The following TENM3 variants were observed in gnomAD, a reference collection of about 807,000 sequenced individuals.
The protein encoded by TENM3 is teneurin-3.
TENM3 carries 63 observed loss-of-function variants against 255.1 expected under a neutral mutation model. The observed-to-expected ratio is 0.25, with a 90% CI of 0.20 to 0.30. TENM3 has a LOEUF of 0.30. TENM3 is among the 10% of genes least tolerant of loss of function. The pLI is 1.00. For synonymous variants in TENM3, 1,306 were observed against 1,322.3 expected (o/e 0.99, Z 0.27); for missense variants, 2,929 against 3,461.1 (o/e 0.85, Z 3.86).
intron 5 of TENM3, among the ~76,000 whole-genome samples, chr4:182,641,199 T>C (rs960881351): frequency 6.6e-6 from 1 of 152,236 alleles, no homozygotes; most frequent in Non-Finnish European, 1.5e-5. Context: ...CGTGCACCTG[T>C]GCAAACACAC....
At chr4:182,450,350 C>A (rs1300539440) in intron 3 of TENM3, among the ~76,000 whole-genome samples, 2 of 151,894 alleles carry the variant, frequency 1.3e-5, no homozygotes, top group Non-Finnish European at 2.9e-5. Flanking sequence ...CCCTCTCAGC[C>A]GAATATTTTA....
chr4:182,718,549 A>G (rs1759397037), intron 13 of TENM3, among the ~76,000 whole-genome samples: 1 of 152,186 alleles, frequency 6.6e-6, no homozygotes, highest in Admixed American at 6.5e-5. Context: ...CTATGGGAAT[A>G]AGAATAGTTC....
rs557288090 is a variant in TENM3, at chr4:182,192,972, G to C, written c.-76+48218G>C. Among the ~76,000 whole-genome samples, 4 of 152,300 alleles carry C rather than the reference G, an allele frequency of 2.6e-5. No individual in the cohort carries two copies. In the South Asian group the frequency reaches 8.3e-4, roughly 32 times the overall value. The stretch of plus-strand genomic sequence containing the variant: ...AATCTTGTTCTGTGTAGGCATATGT[G>C]CTGAACCAGCAATTACTCACCTAAT... On this transcript the variant is annotated intron_variant, in intron 1 of 2. Coordinates refer to the TENM3 transcript ENST00000512480.
chr4:182,609,299 T>C (rs67898048), intron 4 of TENM3, among the ~76,000 whole-genome samples: 50,131 of 152,164 alleles, frequency 0.33, 8,842 homozygotes, highest in Non-Finnish European at 0.39. Context: ...TTTCATTCTC[T>C]GGTTTCATCA....
At chr4:182,277,379 A>G (rs1055844065) in intron 1 of TENM3, among the ~76,000 whole-genome samples, 1 of 151,772 alleles carries the variant, frequency 6.6e-6, no homozygotes, top group African/African-American at 2.4e-5. Flanking sequence ...TAATTTTTTT[A>G]TTGTCTTCTT....
chr4:181,465,327 G>A, the TENM3 span, among the ~76,000 whole-genome samples: 1 of 141,296 alleles, frequency 7.1e-6, no homozygotes, highest in Non-Finnish European at 1.6e-5. Flanking sequence ...TTTTCATTAA[G>A]ATATATATTT....
At chr4:181,946,050 T>C in the TENM3 span, among the ~76,000 whole-genome samples, 1 of 152,214 alleles carries the variant, frequency 6.6e-6, no homozygotes, top group South Asian at 2.1e-4. Context: ...TGTTGCACAC[T>C]TTTGTTCTTC....
At chr4:181,588,408 C>T in the TENM3 span, among the ~76,000 whole-genome samples, 3 of 152,132 alleles carry the variant, frequency 2.0e-5, no homozygotes, top group Non-Finnish European at 2.9e-5. Flanking sequence ...ACATCTCTGG[C>T]TGGAGAAAAG....
At chr4:182,158,765 G>T (rs1379278300) in intron 1 of TENM3, among the ~76,000 whole-genome samples, 1 of 152,104 alleles carries the variant, frequency 6.6e-6, no homozygotes, top group Non-Finnish European at 1.5e-5. Flanking sequence ...CTATTGTTTG[G>T]AGCGGAACTG....
chr4:181,829,404 T>A, the TENM3 span, among the ~76,000 whole-genome samples: 2 of 152,158 alleles, frequency 1.3e-5, no homozygotes, highest in Non-Finnish European at 2.9e-5. Context: ...AAATATGTGT[T>A]AAAGGGGATG....
chr4:181,576,672 G>A, the TENM3 span, among the ~76,000 whole-genome samples: 1 of 151,966 alleles, frequency 6.6e-6, no homozygotes, highest in Non-Finnish European at 1.5e-5. Flanking sequence ...CGTATGTAAG[G>A]GAAAGTCACC....
intron 1 of TENM3, among the ~76,000 whole-genome samples, chr4:182,248,828 T>C (rs1398950140): frequency 6.6e-6 from 1 of 152,198 alleles, no homozygotes; most frequent in Non-Finnish European, 1.5e-5. Flanking sequence ...GCAAATGAGA[T>C]GTGGAAAGTT....
chr4:181,907,918 A>G, the TENM3 span, among the ~76,000 whole-genome samples: 1 of 152,218 alleles, frequency 6.6e-6, no homozygotes, highest in Admixed American at 6.5e-5. Context: ...CCTATTTACA[A>G]ACTAGAACCG....
chr4:182,754,639 G>GA lies in TENM3; in HGVS notation c.4276dup (p.Ile1426AsnfsTer2). 6.2e-7 allele frequency: 1 copy of GA among 1,614,000 alleles called. No homozygotes were observed. The highest frequency in any genetic ancestry group is 8.5e-7 in the Non-Finnish European group (1 of 1,179,888). On this transcript the variant is annotated frameshift_variant, in exon 22 of 28. Coordinates refer to ENST00000511685, the MANE Select transcript of TENM3 (RefSeq NM_001080477.4). LOFTEE classifies it high-confidence loss of function. The surrounding 1 kb of genome is among the most constrained non-coding windows in gnomAD (Gnocchi z 5.1). Reference sequence around the variant, plus strand: ...TGTACATTACTGAAACTGATGAGAAGAAAATTAACCGGATAAGGCAGGTCA... The same window carrying GA: ...TGTACATTACTGAAACTGATGAGAAGAAAAATTAACCGGATAAGGCAGGTCA...
intron 1 of TENM3, among the ~76,000 whole-genome samples, chr4:182,203,129 A>G (rs1754306884): frequency 1.3e-5 from 2 of 152,038 alleles, no homozygotes; most frequent in Admixed American, 1.3e-4. Context: ...AGGCAGGAGA[A>G]TCACTTGAAC....
At chr4:182,342,052 T>G (rs565661009) in intron 2 of TENM3, among the ~76,000 whole-genome samples, 14 of 152,328 alleles carry the variant, frequency 9.2e-5, no homozygotes, top group Middle Eastern at 3.4e-3. Flanking sequence ...TATAAAACAC[T>G]GCAGTCATTG....
the TENM3 span, among the ~76,000 whole-genome samples, chr4:182,118,739 C>A: frequency 2.0e-5 from 3 of 152,142 alleles, no homozygotes; most frequent in African/African-American, 7.2e-5. Context: ...TCTTCTTTAG[C>A]TTGTCAATGT....
At chr4:181,759,818 A>G in the TENM3 span, among the ~76,000 whole-genome samples, 1 of 151,858 alleles carries the variant, frequency 6.6e-6, no homozygotes, top group Non-Finnish European at 1.5e-5. Flanking sequence ...AAACAATTAC[A>G]TCATACTTAC....
intron 1 of TENM3, among the ~76,000 whole-genome samples, chr4:182,187,058 A>G (rs1488640256): frequency 6.6e-6 from 1 of 151,596 alleles, no homozygotes; most frequent in Non-Finnish European, 1.5e-5. Flanking sequence ...TTTCTTCCCT[A>G]TTCTTTAAAA....
Sources: gnomAD v4.1 joint callset for allele counts (sites outside exome capture counted in the v4.1 genomes callset) on GRCh38, gnomAD v4.1.1 for gene constraint, Gnocchi (gnomAD v3.1) non-coding constraint, MANE v1.5 for transcripts, NCBI Gene and HGNC (gene_info 2026-07-23, HGNC 2026-07-21) for gene names.